The following SIPA1L1 variants were observed in gnomAD, a reference collection of about 807,000 sequenced individuals.
SIPA1L1 encodes the protein signal induced proliferation associated 1 like 1.
In SIPA1L1, 26 loss-of-function variants were observed where a neutral mutation model predicts 162.7. The ratio of observed to expected loss-of-function variants is 0.16; its 90% CI spans 0.12 to 0.22. The LOEUF (loss-of-function observed/expected upper bound fraction) is 0.22, where lower values mean the gene tolerates loss of function less well. SIPA1L1 is among the 10% of genes least tolerant of loss of function. SIPA1L1 has a pLI of 1.00. For synonymous variants in SIPA1L1, 829 were observed against 837.4 expected, an observed-to-expected ratio of 0.99 and a Z score of 0.17; for missense variants, 1,874 against 2,241.0, an observed-to-expected ratio of 0.84 and a Z score of 3.31.
chr14:71,698,281 G>A (rs1039849264), intron 13 of SIPA1L1, among the ~76,000 whole-genome samples: 1 of 152,208 alleles, frequency 6.6e-6, no homozygotes, highest in Admixed American at 6.5e-5. Flanking sequence ...TGACCACAAA[G>A]CTATGGTTTC....
chr14:71,532,798 CA>C (rs1449490242), intron 4 of SIPA1L1, among the ~76,000 whole-genome samples: 1 of 152,182 alleles, frequency 6.6e-6, no homozygotes, highest in East Asian at 1.9e-4. Flanking sequence ...CATTTGTAAG[CA>C]GTTCTGATCT....
intron 2 of SIPA1L1, among the ~76,000 whole-genome samples, chr14:71,401,313 A>G (rs1004581718): frequency 6.6e-6 from 1 of 151,466 alleles, no homozygotes; most frequent in Non-Finnish European, 1.5e-5. Flanking sequence ...TTCCTTGAAC[A>G]TTGCCTCCAA....
chr14:71,603,951 T>TTA (rs1157237194), intron 5 of SIPA1L1, among the ~76,000 whole-genome samples: 61 of 144,574 alleles, frequency 4.2e-4, no homozygotes, highest in Middle Eastern at 3.6e-3. Flanking sequence ...CTATATATAT[T>TTA]TATATATATT....
At chr14:71,550,090 T>A (rs2055657206) in intron 4 of SIPA1L1, among the ~76,000 whole-genome samples, 2 of 151,838 alleles carry the variant, frequency 1.3e-5, no homozygotes, top group South Asian at 2.1e-4. Context: ...CTACAAAAAA[T>A]TTTCAAAAAA....
chr14:71,356,827 G>A (rs953157516), intron 2 of SIPA1L1, among the ~76,000 whole-genome samples: 1 of 151,056 alleles, frequency 6.6e-6, no homozygotes, highest in Non-Finnish European at 1.5e-5. Context: ...TGATAGGAAA[G>A]CCAAAGACAG....
chr14:71,532,710 T>G (rs2053554204), intron 4 of SIPA1L1, among the ~76,000 whole-genome samples: 1 of 152,214 alleles, frequency 6.6e-6, no homozygotes, highest in African/African-American at 2.4e-5. Context: ...TCTTTAAAAG[T>G]ATTATAGAGG....
rs1013333936 is a variant in SIPA1L1, at chr14:71,643,847, G to A, written c.1819-6488G>A. Among the ~76,000 whole-genome samples, 15 of 152,090 alleles carry A rather than the reference G, an allele frequency of 9.9e-5. 1 individual carries two copies. Among genetic ancestry groups the A allele is most frequent in the Admixed American group, 2.0e-4 (3 of 15,268 alleles). On this transcript the variant is annotated intron_variant, in intron 7 of 23. Coordinates refer to ENST00000381232, the MANE Select transcript of SIPA1L1 (RefSeq NM_001386936.1). ...TTTTGAAATGGAGTCTCACTCTGTC[G>A]CCCAGGCTGGAGTGCAGTGGCACGA...
chr14:71,632,706 T>C (rs761724093), intron 7 of SIPA1L1, among the ~76,000 whole-genome samples: 7 of 152,158 alleles, frequency 4.6e-5, no homozygotes, highest in Admixed American at 6.5e-5. Context: ...TAATCATGCA[T>C]GCCTGATACC....
intron 2 of SIPA1L1, among the ~76,000 whole-genome samples, chr14:71,380,783 C>T (rs2039828521): frequency 6.6e-6 from 1 of 152,092 alleles, no homozygotes; most frequent in South Asian, 2.1e-4. Flanking sequence ...TGTCTGATCT[C>T]TTAATCATCA....
intron 4 of SIPA1L1, among the ~76,000 whole-genome samples, chr14:71,585,651 G>T (rs1751111118): frequency 6.6e-6 from 1 of 152,208 alleles, no homozygotes; most frequent in Admixed American, 6.5e-5. Flanking sequence ...ATCATGGTGG[G>T]ATTGGTGTGT....
chr14:71,533,824 A>G (rs115681893), intron 4 of SIPA1L1, among the ~76,000 whole-genome samples: 2,523 of 152,302 alleles, frequency 0.017, 73 homozygotes, highest in African/African-American at 0.053. Flanking sequence ...TTGGTAAAAT[A>G]TTTCATCAGT....
intron 5 of SIPA1L1, among the ~76,000 whole-genome samples, chr14:71,610,789 A>G (rs2038121307): frequency 2.0e-5 from 3 of 152,212 alleles, no homozygotes; most frequent in South Asian, 2.1e-4. Context: ...TTACTGAAAA[A>G]TTAGAGGCCT....
chr14:71,684,653 G>T (rs1268868131), intron 12 of SIPA1L1, among the ~76,000 whole-genome samples: 3 of 152,098 alleles, frequency 2.0e-5, no homozygotes, highest in Admixed American at 6.5e-5. Context: ...GTGGGGGTGT[G>T]AAGCTGCTCG....
At chr14:71,551,499 A>T (rs1008314123) in intron 4 of SIPA1L1, among the ~76,000 whole-genome samples, 1 of 152,216 alleles carries the variant, frequency 6.6e-6, no homozygotes, top group African/African-American at 2.4e-5. Flanking sequence ...CATATTTCTT[A>T]ACCACATCTA....
In SIPA1L1 at chr14:71,587,991, G is replaced by A. The variant is rs78621209; in HGVS notation, c.119G>A (p.Arg40Gln). The A allele has an allele frequency of 9.6e-3, 15,498 of 1,614,038 alleles. 100 individuals carry two copies. Among genetic ancestry groups the A allele is most frequent in the Non-Finnish European group, 0.011 (13,406 of 1,179,960 alleles). Residue 40 changes from arginine (R) to glutamine (Q), a missense_variant, in exon 5 of 24, where the codon CGG (arginine) becomes CAG (glutamine). Arg to Gln is a conservative substitution (Grantham distance 43). Coordinates refer to ENST00000381232, the MANE Select transcript of SIPA1L1 (RefSeq NM_001386936.1). ...HTDDFYMRRF[R>Q]SQNGSLGSSV... is the part of the protein sequence containing the mutation. ...GATGATTTCTACATGCGGCGCTTCCGGTCCCAAAATGGCAGCTTAGGATCA... is the reference window on the plus strand; with the variant it reads ...GATGATTTCTACATGCGGCGCTTCCAGTCCCAAAATGGCAGCTTAGGATCA...
chr14:71,534,235 AC>A, intron 4 of SIPA1L1, among the ~76,000 whole-genome samples: 1 of 152,194 alleles, frequency 6.6e-6, no homozygotes, highest in Admixed American at 6.5e-5. Flanking sequence ...AAAACAAATC[AC>A]CCAACCTCAT....
chr14:71,457,256 C>T (rs972564826), intron 2 of SIPA1L1, among the ~76,000 whole-genome samples: 2 of 152,000 alleles, frequency 1.3e-5, no homozygotes, highest in Admixed American at 1.3e-4. Flanking sequence ...TTCTGTTGAC[C>T]TATTCTCTCC....
chr14:71,500,041 A>G (rs1442894154), intron 2 of SIPA1L1, among the ~76,000 whole-genome samples: 1 of 152,180 alleles, frequency 6.6e-6, no homozygotes, highest in Non-Finnish European at 1.5e-5. Flanking sequence ...AAACATGCTA[A>G]TATTAGTTGA....
At chr14:71,538,039 GA>G (rs1265836877) in intron 4 of SIPA1L1, among the ~76,000 whole-genome samples, 4 of 151,590 alleles carry the variant, frequency 2.6e-5, no homozygotes, top group East Asian at 3.9e-4. Context: ...ACTGCAGGGG[GA>G]AAAAAAAGAT....
Sources: allele counts gnomAD v4.1 joint callset (sites outside exome capture counted in the v4.1 genomes callset), GRCh38; gene constraint gnomAD v4.1.1; transcripts MANE v1.5; gene names NCBI Gene and HGNC (gene_info 2026-07-23, HGNC 2026-07-21).